Variants in FAM151B observed in about 807,000 individuals in gnomAD.
The protein encoded by FAM151B is family with sequence similarity 151 member B.
FAM151B carries 24 observed loss-of-function variants against 31.2 expected under a neutral mutation model. The ratio of observed to expected loss-of-function variants is 0.77; its 90% CI spans 0.56 to 1.08. The LOEUF (loss-of-function observed/expected upper bound fraction) is 1.08, where lower values mean the gene tolerates loss of function less well. Among genes scored for constraint, FAM151B ranks in the 50% least tolerant of loss-of-function variants. FAM151B has a pLI of 0.00. For missense variants in FAM151B, 293 were observed against 328.6 expected (o/e 0.89, Z 0.84); for synonymous variants, 105 against 111.4 (o/e 0.94, Z 0.36).
intron 1 of FAM151B, chr5:80,500,634 G>A: frequency 2.6e-6 from 2 of 763,998 alleles, no homozygotes; most frequent in Admixed American, 1.7e-5. Context: ...AGTGGTGTGA[G>A]CCCAAAGGTC....
chr5:80,489,675 A>G (rs529864176), intron 1 of FAM151B, among the ~76,000 whole-genome samples: 4 of 152,374 alleles, frequency 2.6e-5, no homozygotes, highest in African/African-American at 9.6e-5. Context: ...CCGTAATCCC[A>G]GCACTTTGGG....
intron 5 of FAM151B, among the ~76,000 whole-genome samples, chr5:80,532,731 G>A (rs748655040): frequency 1.3e-5 from 2 of 152,058 alleles, no homozygotes; most frequent in Non-Finnish European, 2.9e-5. Flanking sequence ...TCATTCTCCA[G>A]GGTAGACCAT....
At chr5:80,540,311 G>A (rs1422414506) in intron 5 of FAM151B, among the ~76,000 whole-genome samples, 2 of 152,146 alleles carry the variant, frequency 1.3e-5, no homozygotes, top group Non-Finnish European at 2.9e-5. Flanking sequence ...GTGACACCAA[G>A]CTGCTTCCTC....
intron 2 of FAM151B, among the ~76,000 whole-genome samples, chr5:80,502,932 A>T (rs1450537780): frequency 6.6e-6 from 1 of 152,248 alleles, no homozygotes; most frequent in Non-Finnish European, 1.5e-5. Flanking sequence ...GAATTTTAGC[A>T]AAATTGATGC....
At chr5:80,510,853 T>C (rs1053378522) in intron 2 of FAM151B, 2 of 152,174 alleles carry the variant, frequency 1.3e-5, no homozygotes, top group African/African-American at 2.4e-5. Flanking sequence ...TTTTAGTAAA[T>C]TAAAGCTGCA....
intron 5 of FAM151B, among the ~76,000 whole-genome samples, chr5:80,533,680 G>A (rs547327106): frequency 7.3e-6 from 1 of 137,244 alleles, no homozygotes; most frequent in Non-Finnish European, 1.5e-5. Context: ...AACCTGGGCA[G>A]CAGAGATTGC....
At chr5:80,504,119 G>A (rs574638401) in intron 2 of FAM151B, among the ~76,000 whole-genome samples, 3 of 152,208 alleles carry the variant, frequency 2.0e-5, no homozygotes, top group Admixed American at 6.5e-5. Context: ...TACGTTATCC[G>A]AAATGAGATT....
At chr5:80,529,316 C>A (rs1745117206) in intron 5 of FAM151B, among the ~76,000 whole-genome samples, 1 of 152,052 alleles carries the variant, frequency 6.6e-6, no homozygotes, top group East Asian at 1.9e-4. Flanking sequence ...CCTAACATCA[C>A]AATTAAAAGA....
intron 1 of FAM151B, 113 bp downstream of exon 1, chr5:80,488,261 C>T: frequency 6.8e-6 from 9 of 1,330,786 alleles, no homozygotes; most frequent in Non-Finnish European, 8.0e-6. Context: ...GACCTGGGAG[C>T]GCGCCGCGCA....
intron 5 of FAM151B, among the ~76,000 whole-genome samples, chr5:80,525,015 G>C (rs1190153769): frequency 6.6e-6 from 1 of 152,146 alleles, no homozygotes; most frequent in Admixed American, 6.5e-5. Flanking sequence ...TTAGAAGCCT[G>C]TACTTTCTGG....
chr5:80,508,575 T>C (rs571641036), intron 2 of FAM151B, among the ~76,000 whole-genome samples: 11 of 152,330 alleles, frequency 7.2e-5, no homozygotes, highest in African/African-American at 2.6e-4. Context: ...GGCTTATATT[T>C]GCAGCTGAGT....
intron 2 of FAM151B, among the ~76,000 whole-genome samples, chr5:80,505,623 T>C (rs1302058140): frequency 6.6e-6 from 1 of 151,782 alleles, no homozygotes; most frequent in Non-Finnish European, 1.5e-5. Flanking sequence ...CTCGATCTCC[T>C]GACCTCGTGA....
intron 2 of FAM151B, among the ~76,000 whole-genome samples, chr5:80,502,246 CA>C (rs1450837701): frequency 6.6e-6 from 1 of 151,968 alleles, no homozygotes; most frequent in Non-Finnish European, 1.5e-5. Context: ...ACAAAATGGA[CA>C]AATTGCATAA....
chr5:80,494,456 T>TTTTC lies in FAM151B; in HGVS notation c.25+6376_25+6379dup, dbSNP rs3043120. Among the ~76,000 whole-genome samples the TTTTC allele has an allele frequency of 7.3e-3, 600 of 82,588 alleles. 12 individuals carry two copies. Among genetic ancestry groups the TTTTC allele is most frequent in the East Asian group, 0.024 (64 of 2,662 alleles). The allele number at this position is 82,588 out of a possible 152,430, so 54.2% of individuals were successfully genotyped here. A position where few individuals can be genotyped will look rare whatever the true frequency, so the allele number is the denominator to read the frequency against. ...GTCTTTCTTTCTTTTTCTTTCTTTCTTTTCTTTCTTTCTTTCTTTCTTTCT... is the reference window on the plus strand; with the variant it reads ...GTCTTTCTTTCTTTTTCTTTCTTTCTTTTCTTTCTTTCTTTCTTTCTTTCTTTCT... On this transcript the variant is annotated intron_variant, in intron 1 of 5. Transcript: ENST00000282226.
At chr5:80,516,470 A>G (rs1379272204) in intron 3 of FAM151B, among the ~76,000 whole-genome samples, 1 of 152,192 alleles carries the variant, frequency 6.6e-6, no homozygotes, top group African/African-American at 2.4e-5. Flanking sequence ...ATCATTCCCA[A>G]TTTTTAAATG....
intron 5 of FAM151B, among the ~76,000 whole-genome samples, chr5:80,530,340 C>G (rs1475032879): frequency 1.3e-5 from 2 of 152,040 alleles, no homozygotes; most frequent in Non-Finnish European, 2.9e-5. Flanking sequence ...CAGGGATGCC[C>G]TCTCTCACCA....
intron 2 of FAM151B, among the ~76,000 whole-genome samples, chr5:80,510,127 G>A (rs1238351286): frequency 6.6e-6 from 1 of 152,206 alleles, no homozygotes; most frequent in Non-Finnish European, 1.5e-5. Context: ...AAAAATGAGT[G>A]ACTTAAAATA....
At chr5:80,493,135 C>T (rs1482246721) in intron 1 of FAM151B, among the ~76,000 whole-genome samples, 1 of 152,080 alleles carries the variant, frequency 6.6e-6, no homozygotes, top group Non-Finnish European at 1.5e-5. Flanking sequence ...GCAAAACAGC[C>T]CTATTGCTGA....
Position 80,495,747 on chromosome 5 carries a change from A to G in FAM151B, c.26-6045A>G, listed in dbSNP as rs188297336. Among the ~76,000 whole-genome samples the G allele has an allele frequency of 1.2e-3, 187 of 149,860 alleles. 2 individuals carry two copies. The highest frequency in any genetic ancestry group is 4.4e-3 in the African/African-American group (181 of 40,804). ...CGGGTGGCTGAGGCAGGAGAATGGCATGAACCCAGGAGGCAGAGCTTGCGG... is the reference window on the plus strand; with the variant it reads ...CGGGTGGCTGAGGCAGGAGAATGGCGTGAACCCAGGAGGCAGAGCTTGCGG... On this transcript the variant is annotated intron_variant, in intron 1 of 5. Coordinates refer to ENST00000282226, the MANE Select transcript of FAM151B (RefSeq NM_205548.3).
Sources: gnomAD v4.1 joint callset for allele counts (sites outside exome capture counted in the v4.1 genomes callset) on GRCh38, gnomAD v4.1.1 for gene constraint, MANE v1.5 for transcripts, NCBI Gene and HGNC (gene_info 2026-07-23, HGNC 2026-07-21) for gene names.